The following RIT2 variants were observed in gnomAD, a reference collection of about 807,000 sequenced individuals.
The protein encoded by RIT2 is Ras like without CAAX 2.
In RIT2, 24 loss-of-function variants were observed where a neutral mutation model predicts 23.7. The observed-to-expected ratio is 1.01, with a 90% CI of 0.73 to 1.43. The LOEUF (loss-of-function observed/expected upper bound fraction) is 1.43. Ranked by LOEUF, RIT2 falls within the 40% of genes most tolerant of loss-of-function variation. RIT2 has a pLI of 0.00. For missense variants in RIT2, 236 were observed against 266.9 expected, an observed-to-expected ratio of 0.88 and a Z score of 0.81; for synonymous variants, 107 against 91.1, an observed-to-expected ratio of 1.17 and a Z score of -0.99.
rs192674429 is a variant in RIT2, at chr18:42,760,004, C to T, written c.427-16284G>A. ...GTTGGTCAGGCTGGTCTTGAACTCC[C>T]GACCTCAAGTGATCCACCGGCCTTG... On this transcript the variant is annotated intron_variant, in intron 4 of 4. Coordinates refer to ENST00000326695, the MANE Select transcript of RIT2 (RefSeq NM_002930.4). 1.3e-3 allele frequency among the ~76,000 whole-genome samples: 195 copies of T among 151,990 alleles called. 2 individuals are homozygous for T. The highest frequency in any genetic ancestry group is 4.2e-3 in the African/African-American group (175 of 41,480).
chr18:42,814,516 C>T (rs1435126166), intron 4 of RIT2, among the ~76,000 whole-genome samples: 1 of 152,124 alleles, frequency 6.6e-6, no homozygotes, highest in African/African-American at 2.4e-5. Context: ...ATCATAACTC[C>T]ATTGACCTGG....
At chr18:43,003,761 GAC>G (rs56860348) in intron 2 of RIT2, among the ~76,000 whole-genome samples, 5,225 of 129,378 alleles carry the variant, frequency 0.04, 129 homozygotes, top group Middle Eastern at 0.083. Context: ...CCTCCTCAGT[GAC>G]ACACACACAC....
Position 43,115,654 on chromosome 18 carries a change from G to T in RIT2, c.-135C>A. On this transcript the variant is annotated 5_prime_UTR_variant, in exon 1 of 5. Coordinates refer to ENST00000326695, the MANE Select transcript of RIT2 (RefSeq NM_002930.4). ...AGGTAAGAACCATCAGCGTCGGGCTGGCTGCTGGTCCTCCGCTCGAGCGGG... is the reference window on the plus strand; with the variant it reads ...AGGTAAGAACCATCAGCGTCGGGCTTGCTGCTGGTCCTCCGCTCGAGCGGG... 7.8e-7 allele frequency: 1 copy of T among 1,288,870 alleles called. No individual in the cohort carries two copies. Among genetic ancestry groups the T allele is most frequent in the East Asian group, 2.9e-5 (1 of 34,852 alleles). 79.8% of individuals were successfully genotyped at this position (1,288,870 alleles called of 1,614,324 possible). A position where few individuals can be genotyped will look rare whatever the true frequency, so the allele number is the denominator to read the frequency against.
chr18:43,070,538 A>G (rs1912874730), intron 1 of RIT2, among the ~76,000 whole-genome samples: 1 of 152,220 alleles, frequency 6.6e-6, no homozygotes, highest in African/African-American at 2.4e-5. Flanking sequence ...AAGAAACATG[A>G]TGAGCTAAGA....
chr18:42,883,372 G>GTAGTT, intron 4 of RIT2, among the ~76,000 whole-genome samples: 1 of 152,170 alleles, frequency 6.6e-6, no homozygotes, highest in Non-Finnish European at 1.5e-5. Flanking sequence ...GTGGTACTCT[G>GTAGTT]TATTTGTTCC....
At chr18:42,795,336 G>A (rs1302555935) in intron 4 of RIT2, among the ~76,000 whole-genome samples, 3 of 152,182 alleles carry the variant, frequency 2.0e-5, no homozygotes, top group Non-Finnish European at 4.4e-5. Flanking sequence ...ACAGACGGCC[G>A]ACCCTGCCAG....
chr18:42,791,412 A>T (rs1914040693), intron 4 of RIT2, among the ~76,000 whole-genome samples: 1 of 152,174 alleles, frequency 6.6e-6, no homozygotes, highest in Admixed American at 6.5e-5. Flanking sequence ...TAACCTTAGT[A>T]ACTGTTTCTG....
At chr18:42,822,479 C>G (rs1906179917) in intron 4 of RIT2, among the ~76,000 whole-genome samples, 1 of 152,090 alleles carries the variant, frequency 6.6e-6, no homozygotes, top group Admixed American at 6.6e-5. Flanking sequence ...ATTTTATACT[C>G]TAGTCAGTTT....
At chr18:42,908,277 TA>T (rs1203765810) in intron 4 of RIT2, among the ~76,000 whole-genome samples, 1 of 151,438 alleles carries the variant, frequency 6.6e-6, no homozygotes, top group African/African-American at 2.4e-5. Flanking sequence ...AAAGAAAAAA[TA>T]AATAGAGATC....
intron 1 of RIT2, among the ~76,000 whole-genome samples, chr18:43,072,217 C>G (rs150451444): frequency 1.3e-4 from 20 of 152,030 alleles, no homozygotes; most frequent in African/African-American, 4.8e-4. Context: ...AACTCCTGAC[C>G]TCAGGTGATT....
At chr18:42,911,903 C>T (rs1489068306) in intron 4 of RIT2, among the ~76,000 whole-genome samples, 1 of 151,704 alleles carries the variant, frequency 6.6e-6, no homozygotes, top group Admixed American at 6.6e-5. Flanking sequence ...TCTTTCAAAA[C>T]CAGAAAAGGG....
Position 43,115,540 on chromosome 18 carries a change from A to C in RIT2, c.-21T>G. ...TCCATCTTACCCGAGGGACCGGAGGAAAAAAAGAAGGAGAAAGTCACCCGT... is the reference window on the plus strand; with the variant it reads ...TCCATCTTACCCGAGGGACCGGAGGCAAAAAAGAAGGAGAAAGTCACCCGT... On this transcript the variant is annotated 5_prime_UTR_variant, in exon 1 of 5. Coordinates refer to ENST00000326695, the MANE Select transcript of RIT2 (RefSeq NM_002930.4). The C allele has an allele frequency of 3.7e-6, 6 of 1,600,024 alleles. No homozygotes were observed. Among genetic ancestry groups the C allele is most frequent in the Non-Finnish European group, 4.3e-6 (5 of 1,176,008 alleles).
chr18:42,934,746 G>A (rs1909410394), intron 3 of RIT2, among the ~76,000 whole-genome samples: 1 of 152,000 alleles, frequency 6.6e-6, no homozygotes. Context: ...TTGGTGCCTA[G>A]GACATATGAT....
intron 2 of RIT2, among the ~76,000 whole-genome samples, chr18:43,033,017 C>T (rs1911894213): frequency 6.6e-6 from 1 of 152,134 alleles, no homozygotes; most frequent in African/African-American, 2.4e-5. Context: ...ACCATCCAGG[C>T]AACCAGTCAG....
intron 4 of RIT2, among the ~76,000 whole-genome samples, chr18:42,876,683 T>C (rs925384084): frequency 2.4e-4 from 37 of 151,914 alleles, no homozygotes; most frequent in Non-Finnish European, 1.5e-5. Context: ...TAAAGATTCA[T>C]GTTAATTTTA....
At chr18:43,016,087 C>G (rs374351276) in intron 2 of RIT2, among the ~76,000 whole-genome samples, 1 of 151,760 alleles carries the variant, frequency 6.6e-6, no homozygotes, top group South Asian at 2.1e-4. Flanking sequence ...ATGCTACTAT[C>G]CAGCTTCTAA....
At chr18:43,105,077 T>C (rs574760396) in intron 1 of RIT2, among the ~76,000 whole-genome samples, 157 of 151,366 alleles carry the variant, frequency 1.0e-3, no homozygotes, top group African/African-American at 3.2e-3. Flanking sequence ...TGTCCTCCAG[T>C]CCTTTCTCTA....
intron 4 of RIT2, among the ~76,000 whole-genome samples, chr18:42,881,034 A>G (rs1598697434): frequency 1.3e-5 from 2 of 151,868 alleles, no homozygotes; most frequent in East Asian, 3.9e-4. Context: ...CTGAACTTCC[A>G]ACCTCAGGTG....
intron 2 of RIT2, among the ~76,000 whole-genome samples, chr18:42,993,342 G>A (rs1050289631): frequency 6.6e-6 from 1 of 152,174 alleles, no homozygotes; most frequent in African/African-American, 2.4e-5. Context: ...CAGCTTAGTG[G>A]CTGAAGACTG....
Sources: allele counts gnomAD v4.1 joint callset (sites outside exome capture counted in the v4.1 genomes callset), GRCh38; gene constraint gnomAD v4.1.1; transcripts MANE v1.5; gene names NCBI Gene and HGNC (gene_info 2026-07-23, HGNC 2026-07-21).